Variants in SUGCT observed in about 807,000 individuals in gnomAD.
SUGCT encodes succinyl-CoA:glutarate-CoA transferase.
Under a neutral mutation model 55.0 loss-of-function variants are expected in SUGCT, and 41 were observed. The observed-to-expected ratio is 0.74, with a 90% CI of 0.58 to 0.97. The LOEUF (loss-of-function observed/expected upper bound fraction) is 0.97, where lower values mean the gene tolerates loss of function less well. Ranked by LOEUF, SUGCT falls within the 50% of genes least tolerant of loss-of-function variation. The pLI, the probability that SUGCT is intolerant of heterozygous loss-of-function variation, is 0.00. For synonymous variants in SUGCT, 187 were observed against 200.4 expected (o/e 0.93, Z 0.56); for missense variants, 568 against 547.8 (o/e 1.04, Z -0.37).
intron 8 of SUGCT, among the ~76,000 whole-genome samples, chr7:40,290,474 C>A (rs1358821900): frequency 6.6e-6 from 1 of 152,112 alleles, no homozygotes; most frequent in East Asian, 1.9e-4. Flanking sequence ...GAAACTGGAT[C>A]CCTTCCTTAC....
intron 9 of SUGCT, among the ~76,000 whole-genome samples, chr7:40,367,390 C>T (rs567565528): frequency 7.3e-5 from 11 of 151,070 alleles, no homozygotes; most frequent in Admixed American, 2.6e-4. Flanking sequence ...ACATTTTGCA[C>T]CTATACCCTA....
chr7:40,473,954 A>G (rs1424916846), intron 11 of SUGCT, among the ~76,000 whole-genome samples: 1 of 151,814 alleles, frequency 6.6e-6, no homozygotes, highest in African/African-American at 2.4e-5. Flanking sequence ...CCATTCTTTT[A>G]CCATTTCCCC....
intron 9 of SUGCT, among the ~76,000 whole-genome samples, chr7:40,347,051 T>G (rs1402024890): frequency 6.6e-6 from 1 of 152,210 alleles, no homozygotes; most frequent in Non-Finnish European, 1.5e-5. Context: ...AACAAATACC[T>G]AAACATCTGG....
chr7:40,429,715 G>A (rs190615196), intron 9 of SUGCT, among the ~76,000 whole-genome samples: 110 of 152,282 alleles, frequency 7.2e-4, no homozygotes, highest in African/African-American at 2.5e-3. Flanking sequence ...GGGTGGGTCT[G>A]CCTCTCCTAG....
chr7:40,886,312 A>G, the SUGCT span, among the ~76,000 whole-genome samples: 1 of 152,130 alleles, frequency 6.6e-6, no homozygotes, highest in African/African-American at 2.4e-5. Context: ...ATGGTGCCTG[A>G]TGTACCATGG....
At chr7:40,146,319 G>A (rs1470134021) in intron 1 of SUGCT, among the ~76,000 whole-genome samples, 2 of 152,160 alleles carry the variant, frequency 1.3e-5, no homozygotes, top group South Asian at 2.1e-4. Flanking sequence ...TTCAGGCTAC[G>A]CCCTTGTTTA....
chr7:40,261,869 A>G (rs1412528287), intron 7 of SUGCT, among the ~76,000 whole-genome samples: 1 of 152,252 alleles, frequency 6.6e-6, no homozygotes, highest in African/African-American at 2.4e-5. Flanking sequence ...GTAGCACAGA[A>G]ACTGTAACTA....
chr7:40,817,795 G>C (rs918812741), intron 13 of SUGCT, among the ~76,000 whole-genome samples: 1 of 152,094 alleles, frequency 6.6e-6, no homozygotes, highest in Non-Finnish European at 1.5e-5. Flanking sequence ...ATGGCAGGAA[G>C]GAAGAGAAGA....
chr7:40,318,803 C>T (rs1795569614), intron 9 of SUGCT, among the ~76,000 whole-genome samples: 1 of 152,202 alleles, frequency 6.6e-6, no homozygotes, highest in South Asian at 2.1e-4. Context: ...AGTGTAATTC[C>T]AAATCCCATC....
At chr7:41,015,464 G>C in the SUGCT span, among the ~76,000 whole-genome samples, 1 of 152,140 alleles carries the variant, frequency 6.6e-6, no homozygotes, top group Non-Finnish European at 1.5e-5. Context: ...CCCTACTCCA[G>C]ACTCTGTACA....
intron 1 of SUGCT, among the ~76,000 whole-genome samples, chr7:40,163,092 G>A (rs1784257112): frequency 6.6e-6 from 1 of 152,198 alleles, no homozygotes; most frequent in South Asian, 2.1e-4. Flanking sequence ...AAAGGTCAGA[G>A]TTGGAAATGG....
chr7:40,189,708 C>A, intron 5 of SUGCT, 114 bp downstream of exon 5: 2 of 383,496 alleles, frequency 5.2e-6, no homozygotes, highest in Non-Finnish European at 9.3e-6. Flanking sequence ...ACGTTTGCAA[C>A]AAATACCTTT....
intron 6 of SUGCT, among the ~76,000 whole-genome samples, chr7:40,235,485 C>T (rs1193161904): frequency 6.6e-6 from 1 of 152,086 alleles, no homozygotes; most frequent in African/African-American, 2.4e-5. Context: ...CACCACCACG[C>T]CTGGCTAATT....
the SUGCT span, among the ~76,000 whole-genome samples, chr7:40,944,669 A>C: frequency 6.6e-6 from 1 of 152,154 alleles, no homozygotes; most frequent in Non-Finnish European, 1.5e-5. Context: ...TGGTTACTGT[A>C]GCCTTTTAGT....
chr7:40,851,231 A>G (rs1039915149), intron 13 of SUGCT, among the ~76,000 whole-genome samples: 1 of 152,156 alleles, frequency 6.6e-6, no homozygotes, highest in Admixed American at 6.5e-5. Context: ...CTATATTTGC[A>G]TCTGTCGTGT....
intron 13 of SUGCT, among the ~76,000 whole-genome samples, chr7:40,854,325 G>A (rs1282747700): frequency 6.6e-6 from 1 of 151,970 alleles, no homozygotes; most frequent in Non-Finnish European, 1.5e-5. Context: ...GGCTCTCCAG[G>A]TCTGAGCTGT....
chr7:40,407,397 T>A (rs1348227281), intron 9 of SUGCT, among the ~76,000 whole-genome samples: 2 of 152,050 alleles, frequency 1.3e-5, no homozygotes, highest in Non-Finnish European at 2.9e-5. Flanking sequence ...CTGAAATTAA[T>A]GTAAATATTC....
chr7:40,141,357 AG>A (rs951816022), intron 1 of SUGCT, among the ~76,000 whole-genome samples: 6 of 151,998 alleles, frequency 3.9e-5, no homozygotes, highest in Non-Finnish European at 8.8e-5. Flanking sequence ...TTCTTGGGCC[AG>A]GCGCGGTGGC....
At chr7:40,798,403 T>A (rs1324955687) in intron 13 of SUGCT, among the ~76,000 whole-genome samples, 1 of 152,218 alleles carries the variant, frequency 6.6e-6, no homozygotes, top group Non-Finnish European at 1.5e-5. Context: ...GAGAACTGTA[T>A]AGAATACTTT....
Sources: allele counts gnomAD v4.1 joint callset (sites outside exome capture counted in the v4.1 genomes callset), GRCh38; gene constraint gnomAD v4.1.1; transcripts MANE v1.5; gene names NCBI Gene and HGNC (gene_info 2026-07-23, HGNC 2026-07-21).